UBE2E2: variants seen among roughly 807,000 people sequenced by gnomAD.
UBE2E2 encodes the protein ubiquitin conjugating enzyme E2 E2, also known as ubiquitin-conjugating enzyme E2 E2.
UBE2E2 carries 6 observed loss-of-function variants against 24.7 expected under a neutral mutation model. The observed-to-expected ratio is 0.24, with a 90% CI of 0.13 to 0.48. The LOEUF (loss-of-function observed/expected upper bound fraction) is 0.48, where lower values mean the gene tolerates loss of function less well. Among genes scored for constraint, UBE2E2 ranks in the 20% least tolerant of loss-of-function variants. The probability of loss-of-function intolerance (pLI) is 0.99; values close to 1 mark genes in which losing one functional copy is unlikely to be tolerated. For missense variants in UBE2E2, 169 were observed against 245.0 expected (o/e 0.69, Z 2.07); for synonymous variants, 104 against 83.6 (o/e 1.24, Z -1.33).
At chr3:23,402,321 A>G (rs918618343) in intron 3 of UBE2E2, among the ~76,000 whole-genome samples, 15 of 152,200 alleles carry the variant, frequency 9.9e-5, no homozygotes, top group African/African-American at 3.6e-4. Flanking sequence ...TTATCAAGTG[A>G]TCTTACGTGA....
chr3:23,568,672 CAT>C (rs563545833), intron 5 of UBE2E2, among the ~76,000 whole-genome samples: 66 of 139,348 alleles, frequency 4.7e-4, no homozygotes, highest in Admixed American at 8.7e-4. Context: ...TATATACGCA[CAT>C]ATATGTATAC....
chr3:23,323,998 A>C (rs1694817884), intron 3 of UBE2E2, among the ~76,000 whole-genome samples: 1 of 152,178 alleles, frequency 6.6e-6, no homozygotes, highest in South Asian at 2.1e-4. Context: ...AAATGAATGA[A>C]CAAATGGTAC....
chr3:23,441,954 A>C (rs537058530), intron 3 of UBE2E2, among the ~76,000 whole-genome samples: 4 of 152,290 alleles, frequency 2.6e-5, no homozygotes, highest in South Asian at 4.1e-4. Flanking sequence ...TGTTATTACA[A>C]AGCCTTGCTT....
chr3:23,364,453 C>T (rs1696204183), intron 3 of UBE2E2, among the ~76,000 whole-genome samples: 1 of 151,998 alleles, frequency 6.6e-6, no homozygotes, highest in South Asian at 2.1e-4. Context: ...TTACCACCAA[C>T]CCAACAGAAA....
intron 3 of UBE2E2, among the ~76,000 whole-genome samples, chr3:23,426,784 A>T (rs1420565663): frequency 6.6e-6 from 1 of 152,184 alleles, no homozygotes; most frequent in Non-Finnish European, 1.5e-5. Context: ...AAAAACTGGG[A>T]TCTCCATTAA....
At chr3:23,458,920 A>G (rs1698742584) in intron 3 of UBE2E2, among the ~76,000 whole-genome samples, 1 of 152,210 alleles carries the variant, frequency 6.6e-6, no homozygotes, top group African/African-American at 2.4e-5. Flanking sequence ...AACAAAGGGC[A>G]ATAAAACACG....
intron 3 of UBE2E2, among the ~76,000 whole-genome samples, chr3:23,476,700 T>C (rs1241209576): frequency 1.3e-5 from 2 of 152,072 alleles, no homozygotes; most frequent in Admixed American, 1.3e-4. Flanking sequence ...AAAAGAAAAA[T>C]AAATTTTAAA....
At chr3:23,380,693 A>G (rs1257264166) in intron 3 of UBE2E2, among the ~76,000 whole-genome samples, 3 of 152,130 alleles carry the variant, frequency 2.0e-5, no homozygotes, top group Non-Finnish European at 4.4e-5. Flanking sequence ...TGGAATGCTT[A>G]TGCACCTACT....
chr3:23,321,049 G>T (rs983958958), intron 3 of UBE2E2, among the ~76,000 whole-genome samples: 1 of 152,204 alleles, frequency 6.6e-6, no homozygotes, highest in African/African-American at 2.4e-5. Flanking sequence ...GCCAGCAGCC[G>T]TTGGCCATTC....
intron 3 of UBE2E2, among the ~76,000 whole-genome samples, chr3:23,423,665 T>C (rs1047392172): frequency 5.3e-5 from 8 of 152,198 alleles, no homozygotes; most frequent in Admixed American, 2.0e-4. Context: ...TCTAGATCAG[T>C]GATTGTAATA....
intron 3 of UBE2E2, among the ~76,000 whole-genome samples, chr3:23,339,316 C>T (rs961026452): frequency 1.3e-5 from 2 of 152,112 alleles, no homozygotes; most frequent in African/African-American, 4.8e-5. Flanking sequence ...TAACTAAATG[C>T]AGTGTGGTAT....
At chr3:23,332,006 C>G (rs1695071008) in intron 3 of UBE2E2, among the ~76,000 whole-genome samples, 1 of 151,768 alleles carries the variant, frequency 6.6e-6, no homozygotes, top group African/African-American at 2.4e-5. Context: ...CTTCTAAAGT[C>G]CTATGCTTCT....
chr3:23,512,089 G>T (rs1304019235), intron 4 of UBE2E2, among the ~76,000 whole-genome samples: 2 of 151,826 alleles, frequency 1.3e-5, no homozygotes, highest in Non-Finnish European at 2.9e-5. Flanking sequence ...TTCCAGTCCT[G>T]CAGCCCCTAC....
chr3:23,360,745 G>A (rs932118708), intron 3 of UBE2E2, among the ~76,000 whole-genome samples: 5 of 152,048 alleles, frequency 3.3e-5, no homozygotes, highest in Middle Eastern at 3.4e-3. Context: ...ATGGAAGGTA[G>A]CCTTTTTGAA....
chr3:23,409,608 T>A (rs1434065768), intron 3 of UBE2E2, among the ~76,000 whole-genome samples: 1 of 152,206 alleles, frequency 6.6e-6, no homozygotes, highest in Non-Finnish European at 1.5e-5. Flanking sequence ...TACTGATGTG[T>A]GTTCTTCCTT....
At chr3:23,359,582 T>G (rs1696057758) in intron 3 of UBE2E2, among the ~76,000 whole-genome samples, 1 of 152,114 alleles carries the variant, frequency 6.6e-6, no homozygotes, top group South Asian at 2.1e-4. Flanking sequence ...TTTGATCTAT[T>G]AAAAAAAATT....
rs199807650 is a variant in UBE2E2, at chr3:23,347,845, AAAAAG to A, written c.227+130553_227+130557del. Among the ~76,000 whole-genome samples the A allele has an allele frequency of 9.9e-3, 1,513 of 152,270 alleles. 21 individuals carry two copies. The highest frequency in any genetic ancestry group is 0.033 in the African/African-American group (1,365 of 41,548). ...ATGTTTATTCTTAGAGCCATCCTTA[AAAAAG>A]AAAAGAAAAGAAAAGAAAATATCTT... On this transcript the variant is annotated intron_variant, in intron 3 of 5. Coordinates refer to ENST00000396703, the MANE Select transcript of UBE2E2 (RefSeq NM_152653.4).
At chr3:23,517,912 C>G (rs62255789) in intron 4 of UBE2E2, among the ~76,000 whole-genome samples, 27,109 of 151,940 alleles carry the variant, frequency 0.18, 2,492 homozygotes, top group Middle Eastern at 0.23. Flanking sequence ...TAAGATAGTA[C>G]TTCAGATTTC....
At chr3:23,564,760 G>C (rs1420465868) in intron 5 of UBE2E2, among the ~76,000 whole-genome samples, 1 of 152,120 alleles carries the variant, frequency 6.6e-6, no homozygotes, top group Admixed American at 6.6e-5. Flanking sequence ...CAAGAAGCCA[G>C]GTTTCTACAA....
Sources: gnomAD v4.1 joint callset for allele counts (sites outside exome capture counted in the v4.1 genomes callset) on GRCh38, gnomAD v4.1.1 for gene constraint, MANE v1.5 for transcripts, NCBI Gene and HGNC (gene_info 2026-07-23, HGNC 2026-07-21) for gene names.